The following CELF3 variants were observed in gnomAD, a reference collection of about 807,000 sequenced individuals.
CELF3 encodes the protein CUGBP Elav-like family member 3, also known as CAG repeat domain.
Under a neutral mutation model 59.6 loss-of-function variants are expected in CELF3, and 26 were observed. That is an observed-to-expected ratio of 0.44 (90% confidence interval 0.32 to 0.61). The LOEUF (loss-of-function observed/expected upper bound fraction) is 0.61, where lower values mean the gene tolerates loss of function less well. Among genes scored for constraint, CELF3 ranks in the 20% least tolerant of loss-of-function variants. The pLI, the probability that CELF3 is intolerant of heterozygous loss-of-function variation, is 0.06. For missense variants in CELF3, 387 were observed against 627.2 expected (o/e 0.62, Z 4.09); for synonymous variants, 245 against 250.7 (o/e 0.98, Z 0.22).
In CELF3 at chr1:151,707,656, G is replaced by T; in HGVS notation, c.631-8C>A. The T allele has an allele frequency of 1.9e-6, 3 of 1,603,898 alleles. No homozygotes were observed. Among genetic ancestry groups the T allele is most frequent in the African/African-American group, 1.3e-5 (1 of 74,968 alleles). On this transcript the variant is annotated splice_polypyrimidine_tract_variant and splice_region_variant and intron_variant, in intron 6 of 12. Coordinates refer to ENST00000290583, the MANE Select transcript of CELF3 (RefSeq NM_007185.7). ...CGCCTGCTGCTGCATCAGCTGGGGG[G>T]AGGGGAGAGGAGAGTGGGGCAGGCC...
At chr1:151,711,232 T>A (rs1672991182) in intron 2 of CELF3, 1 of 208,230 alleles carries the variant, frequency 4.8e-6, no homozygotes, top group Non-Finnish European at 9.8e-6. Context: ...TCCGGTCAGC[T>A]CCAGGCTCCA....
In CELF3 at chr1:151,707,278, A is replaced by C. The variant is rs1245377939; in HGVS notation, c.789T>G (p.Pro263=). The C allele has an allele frequency of 6.4e-6, 10 of 1,570,412 alleles. No individual in the cohort carries two copies. The highest frequency in any genetic ancestry group is 8.6e-6 in the Non-Finnish European group (10 of 1,159,382). ...ITPSSGTSTP[P]AIAATPVSAI... is the part of the protein sequence containing the mutation. ...CAGAGACAGGCGTGGCAGCGATGGCAGGAGGGGTGCTGGTTCCTGGGGAGG... is the reference window on the plus strand; with the variant it reads ...CAGAGACAGGCGTGGCAGCGATGGCCGGAGGGGTGCTGGTTCCTGGGGAGG... Residue 263 remains proline, a synonymous_variant, in exon 8 of 13, where the codon CCT becomes CCG. Coordinates refer to ENST00000290583, the MANE Select transcript of CELF3 (RefSeq NM_007185.7).
intron 12 of CELF3, among the ~76,000 whole-genome samples, chr1:151,704,256 A>C (rs993934875): frequency 6.6e-6 from 1 of 152,036 alleles, no homozygotes; most frequent in Non-Finnish European, 1.5e-5. Flanking sequence ...GGAGAAACAG[A>C]AAATGTGGGT....
intron 2 of CELF3, chr1:151,711,511 C>T (rs568216241): frequency 1.4e-5 from 2 of 140,538 alleles, no homozygotes; most frequent in African/African-American, 5.2e-5. Flanking sequence ...TCATACAAAT[C>T]CTCCAGCCAA....
At chr1:151,708,068 G>T (rs564568231) in intron 5 of CELF3, 133 bp from the exon 6 acceptor site, 2 of 950,058 alleles carry the variant, frequency 2.1e-6, no homozygotes, top group Non-Finnish European at 3.1e-6. Context: ...ACCATTTTGC[G>T]TATGAAAGAT....
At chr1:151,714,774 T>C in intron 1 of CELF3, 98 bp from the exon 2 acceptor site, 1 of 870,494 alleles carries the variant, frequency 1.1e-6, no homozygotes, top group Non-Finnish European at 1.8e-6. Context: ...CTGGGAAGCT[T>C]TCCCTTCTTG....
chr1:151,703,251 C>G lies in CELF3; in HGVS notation c.*208G>C, dbSNP rs1156993860. On this transcript the variant is annotated 3_prime_UTR_variant, in exon 13 of 13. Transcript: ENST00000290583. ...AAAGGGCATCTAGGAGGAAATGGGC[C>G]CTTGGAGCCAGGGAAGCATAGCCAT... 1 of 457,248 alleles carries G rather than the reference C, an allele frequency of 2.2e-6. No individual in the cohort carries two copies. Among genetic ancestry groups the G allele is most frequent in the African/African-American group, 2.0e-5 (1 of 50,064 alleles). 28.3% of individuals were successfully genotyped at this position (457,248 alleles called of 1,614,324 possible). A position where few individuals can be genotyped will look rare whatever the true frequency, so the allele number is the denominator to read the frequency against.
In CELF3 at chr1:151,707,068, A is replaced by G. The variant is rs1672615579; in HGVS notation, c.922+77T>C. 20 of 1,362,426 alleles carry G rather than the reference A, an allele frequency of 1.5e-5. No individual in the cohort carries two copies. The South Asian group carries it at 2.8e-4, about 19-fold the overall frequency. 84.4% of individuals were successfully genotyped at this position (1,362,426 alleles called of 1,614,324 possible). A position where few individuals can be genotyped will look rare whatever the true frequency, so the allele number is the denominator to read the frequency against. On this transcript the variant is annotated intron_variant, in intron 8 of 12. Coordinates refer to ENST00000290583, the MANE Select transcript of CELF3 (RefSeq NM_007185.7). The stretch of plus-strand genomic sequence containing the variant: ...CCTGTACCCCCAAAGCTGGGAGGGA[A>G]GGTGTGTCCTGCCTCCCTAATGGGA...
In CELF3 at chr1:151,707,837, G is replaced by A. The variant is rs1672701230; in HGVS notation, c.585C>T (p.Ser195=). The A allele has an allele frequency of 1.2e-6, 2 of 1,613,822 alleles. No individual in the cohort carries two copies. Among genetic ancestry groups the A allele is most frequent in the Admixed American group, 1.7e-5 (1 of 59,984 alleles). ...QQVATQLGMF[S]PIALQFGAYS... is the part of the protein sequence containing the mutation. ...AGGCTCCAAACTGGAGGGCGATGGG[G>A]CTGAACATGCCCAACTGGGTGGCCA... The change falls in exon 6 of 13, where the codon AGC becomes AGT. Residue 195 remains serine (S), a synonymous_variant. Transcript: ENST00000290583.
At chr1:151,714,516 G>A (rs1473463464) in intron 2 of CELF3, 78 bp downstream of exon 2, 1 of 1,006,340 alleles carries the variant, frequency 9.9e-7, no homozygotes, top group Non-Finnish European at 1.5e-6. Flanking sequence ...ATTATGCTCA[G>A]TGTCAGGAGG....
At chr1:151,704,589 AGATTCTAGGAGCCAAG>A (rs927968391) in intron 12 of CELF3, among the ~76,000 whole-genome samples, 1 of 152,134 alleles carries the variant, frequency 6.6e-6, no homozygotes, top group Non-Finnish European at 1.5e-5. Context: ...AGGACAACAG[AGATTCTAGGAGCCAAG>A]GATTCTAGGG....
Position 151,709,588 on chromosome 1 carries a change from C to G in CELF3, c.277+155G>C, listed in dbSNP as rs1390613130. The stretch of plus-strand genomic sequence containing the variant: ...CCATCTGTACCCGCCCCAGATCTCA[C>G]CCGCTCTGGCCACACTGACTCCTAT... On this transcript the variant is annotated intron_variant, in intron 3 of 12. Transcript: ENST00000290583. The surrounding 1 kb of genome is among the most constrained non-coding windows in gnomAD (Gnocchi z 4.9). The G allele has an allele frequency of 1.1e-6, 1 of 944,468 alleles. No individual in the cohort carries two copies. Among genetic ancestry groups the G allele is most frequent in the Admixed American group, 2.0e-5 (1 of 49,690 alleles). 58.5% of individuals were successfully genotyped at this position (944,468 alleles called of 1,614,324 possible). A position where few individuals can be genotyped will look rare whatever the true frequency, so the allele number is the denominator to read the frequency against.
rs777491692 is a variant in CELF3, at chr1:151,706,381, G to A, written c.989-20C>T. ...AGGCTGCTGGGGTGGGGAGAAGAGA[G>A]AGGCTGATGGGGCTTCCCTGACTTC... is the stretch of plus-strand genomic sequence containing the variant. On this transcript the variant is annotated intron_variant, in intron 9 of 12. Transcript: ENST00000290583. 9.1e-6 allele frequency: 14 copies of A among 1,533,958 alleles called. No homozygotes were observed. In the East Asian group the frequency reaches 2.7e-4, roughly 30 times the overall value.
chr1:151,710,345 C>T, intron 2 of CELF3: 1 of 282,692 alleles, frequency 3.5e-6, no homozygotes. Flanking sequence ...TGCCCAGTCT[C>T]CGTGGCAACG....
chr1:151,714,614 C>T lies in CELF3; in HGVS notation c.208G>A (p.Glu70Lys), dbSNP rs200230999. 68 of 1,558,046 alleles carry T rather than the reference C, an allele frequency of 4.4e-5. No individual in the cohort carries two copies. The highest frequency in any genetic ancestry group is 4.1e-5 in the African/African-American group (3 of 73,486). Residue 70 changes from glutamate (E) to lysine (K), a missense_variant, in exon 2 of 13, where the codon GAA (glutamate) becomes AAA (lysine). Transcript: ENST00000290583. ...CTCACCCCTGGAAGCGTCTTCTGTT[C>T]GTGCAGGGCGCTCTGGGCCTTCAGG... Reference protein sequence around the residue: ...SALKAQSALHEQKTLPGMNRP... With the variant: ...SALKAQSALHKQKTLPGMNRP...
In CELF3 at chr1:151,709,817, G is replaced by T; in HGVS notation, c.229-26C>A. On this transcript the variant is annotated intron_variant, in intron 2 of 12. Transcript: ENST00000290583. The surrounding 1 kb of genome is among the most constrained non-coding windows in gnomAD (Gnocchi z 4.9). ...CTGAAGGAGAGAAGAGAAGGCAGCT[G>T]CTGGGGACCTCCTCTGAACACCCAA... 3 of 1,612,976 alleles carry T rather than the reference G, an allele frequency of 1.9e-6. No homozygotes were observed. In the South Asian group the frequency reaches 3.3e-5, roughly 18 times the overall value.
rs1444527732 is a variant in CELF3 at position 151,716,146 on chromosome 1, C to T, written c.-126G>A. On this transcript the variant is annotated 5_prime_UTR_variant, in exon 1 of 13. Coordinates refer to ENST00000290583, the MANE Select transcript of CELF3 (RefSeq NM_007185.7). ...GCTGGGGCTGGCTTTCCCTTTGGCC[C>T]CCAACCACGCTGCTAAGCAGAGGGG... 5.3e-6 allele frequency: 5 copies of T among 938,898 alleles called. No individual in the cohort carries two copies. Among genetic ancestry groups the T allele is most frequent in the Non-Finnish European group, 7.8e-6 (5 of 644,662 alleles). The allele number at this position is 938,898 out of a possible 1,614,324, so 58.2% of individuals were successfully genotyped here.
At position 151,716,774 on chromosome 1, in the gene CELF3, T is replaced by C. The variant is rs1673508131; in HGVS notation, c.-754A>G. The C allele has an allele frequency of 4.3e-6, 2 of 461,716 alleles. No individual in the cohort carries two copies. The highest frequency in any genetic ancestry group is 3.1e-5 in the South Asian group (2 of 64,054). The allele number at this position is 461,716 out of a possible 1,614,324, so 28.6% of individuals were successfully genotyped here. On this transcript the variant is annotated 5_prime_UTR_variant, in exon 1 of 13. Transcript: ENST00000290583. ...GGTCACCTGGGTCCCGGAGCTCTGC[T>C]CTCCGGCCGCGCTCTCCTCAACAAA...
chr1:151,703,554 G>A, intron 12 of CELF3, 106 bp from the exon 13 acceptor site: 1 of 320,828 alleles, frequency 3.1e-6, no homozygotes, highest in Admixed American at 3.8e-5. Context: ...CATCTAGGAT[G>A]GGGCTGCCTG....
Sources: gnomAD v4.1 joint callset for allele counts (sites outside exome capture counted in the v4.1 genomes callset) on GRCh38, gnomAD v4.1.1 for gene constraint, Gnocchi (gnomAD v3.1) non-coding constraint, MANE v1.5 for transcripts, NCBI Gene and HGNC (gene_info 2026-07-23, HGNC 2026-07-21) for gene names.